The following ZKSCAN3 variants were observed in gnomAD, a reference collection of about 807,000 sequenced individuals.
ZKSCAN3 encodes the protein zinc finger with KRAB and SCAN domains 3.
ZKSCAN3 carries 21 observed loss-of-function variants against 30.7 expected under a neutral mutation model. The observed-to-expected ratio is 0.68, with a 90% CI of 0.49 to 0.99. The LOEUF is 0.99. Among genes scored for constraint, ZKSCAN3 ranks in the 50% least tolerant of loss-of-function variants. The pLI is 0.00. For missense variants in ZKSCAN3, 507 were observed against 647.1 expected, an observed-to-expected ratio of 0.78 and a Z score of 2.35; for synonymous variants, 201 against 246.7, an observed-to-expected ratio of 0.81 and a Z score of 1.73.
intron 2 of ZKSCAN3, among the ~76,000 whole-genome samples, chr6:28,361,016 A>T (rs888840162): frequency 5.3e-4 from 41 of 78,046 alleles, no homozygotes; most frequent in African/African-American, 3.1e-3. Flanking sequence ...CCAGTTTCCA[A>T]TGGATTTTCA....
In ZKSCAN3 at chr6:28,366,569, T is replaced by C. The variant is rs1019917464; in HGVS notation, c.*284T>C. The stretch of plus-strand genomic sequence containing the variant: ...GAATTAAATGGATGTTTAGACTGGC[T>C]ACTTGCCCTAAACCAGCACTTGGTG... On this transcript the variant is annotated 3_prime_UTR_variant, in exon 6 of 6. Coordinates refer to ENST00000252211, the MANE Select transcript of ZKSCAN3 (RefSeq NM_024493.4). 1 of 252,672 alleles carries C rather than the reference T, an allele frequency of 4.0e-6. No homozygotes were observed. The highest frequency in any genetic ancestry group is 7.5e-6 in the Non-Finnish European group (1 of 133,228). 15.7% of individuals were successfully genotyped at this position (252,672 alleles called of 1,614,324 possible).
intron 1 of ZKSCAN3, among the ~76,000 whole-genome samples, chr6:28,358,391 C>A (rs557162729): frequency 5.6e-4 from 86 of 152,250 alleles, no homozygotes; most frequent in African/African-American, 2.0e-3. Context: ...ACTTATAAAC[C>A]AAATACAATG....
chr6:28,366,354 A>C lies in ZKSCAN3; in HGVS notation c.*69A>C. ...CTGAAGCCACTCCCCCTGGAGTCTC[A>C]ACTATAGAAATTGTGGGCTGGGCTT... On this transcript the variant is annotated 3_prime_UTR_variant, in exon 6 of 6. Transcript: ENST00000252211. The C allele has an allele frequency of 1.4e-6, 2 of 1,448,088 alleles. No homozygotes were observed. The highest frequency in any genetic ancestry group is 1.8e-6 in the Non-Finnish European group (2 of 1,098,232). 89.7% of individuals were successfully genotyped at this position (1,448,088 alleles called of 1,614,324 possible).
chr6:28,361,855 GATCCTCTGGATCGCTCACT>G (rs1765782392), intron 3 of ZKSCAN3, among the ~76,000 whole-genome samples: 1 of 151,782 alleles, frequency 6.6e-6, no homozygotes, highest in African/African-American at 2.4e-5. Context: ...GGGCTCAAGC[GATCCTCTGGATCGCTCACT>G]GCAGCCTCCA....
At chr6:28,361,102 C>T (rs1029390067) in intron 2 of ZKSCAN3, among the ~76,000 whole-genome samples, 3 of 152,150 alleles carry the variant, frequency 2.0e-5, no homozygotes, top group African/African-American at 7.2e-5. Context: ...TCTACCTGAG[C>T]TCCCATCCTA....
chr6:28,363,562 C>T (rs1231768016), intron 4 of ZKSCAN3, 130 bp from the exon 5 acceptor site: 15 of 1,439,006 alleles, frequency 1.0e-5, no homozygotes, highest in Non-Finnish European at 1.4e-5. Context: ...TATTTAGGTG[C>T]CCACTTAAGA....
At position 28,365,689 on chromosome 6, in the gene ZKSCAN3, C is replaced by A; in HGVS notation, c.1021C>A (p.Pro341Thr). Residue 341 changes from proline (P) to threonine (T), a missense_variant, in exon 6 of 6, where the codon CCC (proline) becomes ACC (threonine). Pro to Thr is a conservative substitution (Grantham distance 38, BLOSUM62 -1). Transcript: ENST00000252211. ...CAGGAGAATCCACACTGGTGAGAAA[C>A]CCTACGAATGTGAAGAGTGTGGCAA... is the stretch of plus-strand genomic sequence containing the variant. ...KHRRIHTGEK[P>T]YECEECGKAF... is the part of the protein sequence containing the mutation. 1 of 1,614,116 alleles carries A rather than the reference C, an allele frequency of 6.2e-7. No individual in the cohort carries two copies.
Position 28,366,160 on chromosome 6 carries a change from C to A in ZKSCAN3, c.1492C>A (p.His498Asn). The change falls in exon 6 of 6, where the codon CAT becomes AAT. Residue 498 changes from histidine to asparagine, a missense_variant. Transcript: ENST00000252211. ...SFTQNTGLIE[H>N]QKIHTGEKPY... ...CACTCAGAATACAGGCCTCATTGAA[C>A]ATCAAAAAATCCACACTGGTGAGAA... 3.1e-6 allele frequency: 5 copies of A among 1,610,900 alleles called. No homozygotes were observed. Among genetic ancestry groups the A allele is most frequent in the Non-Finnish European group, 4.2e-6 (5 of 1,178,940 alleles).
rs1766013681 is a variant in ZKSCAN3 at position 28,367,525 on chromosome 6, CA to C, written c.*1241del. On this transcript the variant is annotated 3_prime_UTR_variant, in exon 6 of 6. Coordinates refer to ENST00000252211, the MANE Select transcript of ZKSCAN3 (RefSeq NM_024493.4). ...TTTCCTATTCAGACAGTGTGAAAAT[CA>C]GTCATCAAGTCAGAATAAAATGATG... 6.6e-6 allele frequency: 1 copy of C among 152,018 alleles called. No homozygotes were observed. The highest frequency in any genetic ancestry group is 2.1e-4 in the South Asian group (1 of 4,808). 9.4% of individuals were successfully genotyped at this position (152,018 alleles called of 1,614,324 possible).
rs1339529820 is a variant in ZKSCAN3 at position 28,366,340 on chromosome 6, C to T, written c.*55C>T. Reference sequence around the variant, plus strand: ...CATTTGTCACTGATCTGAAGCCACTCCCCCTGGAGTCTCAACTATAGAAAT... The same window carrying T: ...CATTTGTCACTGATCTGAAGCCACTTCCCCTGGAGTCTCAACTATAGAAAT... On this transcript the variant is annotated 3_prime_UTR_variant, in exon 6 of 6. Transcript: ENST00000252211. The T allele has an allele frequency of 2.0e-6, 3 of 1,473,722 alleles. No homozygotes were observed. The highest frequency in any genetic ancestry group is 2.8e-5 in the African/African-American group (2 of 71,154). 91.3% of individuals were successfully genotyped at this position (1,473,722 alleles called of 1,614,324 possible).
At position 28,365,536 on chromosome 6, in the gene ZKSCAN3, A is replaced by T. The variant is rs1765925101; in HGVS notation, c.868A>T (p.Thr290Ser). Residue 290 changes from threonine (T) to serine (S), a missense_variant, in exon 6 of 6, where the codon ACA (threonine) becomes TCA (serine). Physicochemically the swap from Thr to Ser is moderately conservative, Grantham distance 58. Transcript: ENST00000252211. ...HLREDIAQIP[T>S]CAEAGEQEGR... is the part of the protein sequence containing the mutation. The stretch of plus-strand genomic sequence containing the variant: ...GAGAGAAGACATTGCCCAGATTCCT[A>T]CATGTGCAGAAGCTGGTGAACAGGA... 1 of 1,614,156 alleles carries T rather than the reference A, an allele frequency of 6.2e-7. No individual in the cohort carries two copies. Among genetic ancestry groups the T allele is most frequent in the Non-Finnish European group, 8.5e-7 (1 of 1,180,064 alleles).
At position 28,366,208 on chromosome 6, in the gene ZKSCAN3, G is replaced by A; in HGVS notation, c.1540G>A (p.Gly514Arg). The change falls in exon 6 of 6, where the codon GGA becomes AGA. Residue 514 changes from glycine (G) to arginine (R), a missense_variant. Transcript: ENST00000252211. ...GAAACCCTATCAGTGTAATGCGTGT[G>A]GAAAAGGCTTCACCCGAATTTCATA... ...GEKPYQCNAC[G>R]KGFTRISYLV... 1.3e-6 allele frequency: 2 copies of A among 1,582,202 alleles called. No homozygotes were observed. The highest frequency in any genetic ancestry group is 2.2e-5 in the East Asian group (1 of 44,776).
At chr6:28,359,123 AC>A (rs1332521455) in intron 1 of ZKSCAN3, among the ~76,000 whole-genome samples, 7 of 152,004 alleles carry the variant, frequency 4.6e-5, no homozygotes, top group South Asian at 2.1e-4. Flanking sequence ...GTCAGTCTGG[AC>A]TTGCTATCTC....
intron 3 of ZKSCAN3, among the ~76,000 whole-genome samples, chr6:28,361,806 G>C (rs1033583817): frequency 4.0e-5 from 6 of 149,820 alleles, no homozygotes; most frequent in African/African-American, 1.5e-4. Flanking sequence ...GGAGTGCAGT[G>C]GCACTCCACT....
rs1765222442 is a variant in ZKSCAN3, at chr6:28,353,762, GA to G, written c.-63+3699del. 6.6e-6 allele frequency: 3 copies of G among 451,138 alleles called. No individual in the cohort carries two copies. The Admixed American group carries it at 7.1e-5, about 11-fold the overall frequency. 27.9% of individuals were successfully genotyped at this position (451,138 alleles called of 1,614,324 possible). A position where few individuals can be genotyped will look rare whatever the true frequency, so the allele number is the denominator to read the frequency against. On this transcript the variant is annotated intron_variant, in intron 1 of 5. Coordinates refer to ENST00000252211, the MANE Select transcript of ZKSCAN3 (RefSeq NM_024493.4). Reference sequence around the variant, plus strand: ...AGTTCTGGGGAAGACTGTGGATAGAGAAAAGAAAAGGTCAAGAACAGAACCA... The same window carrying G: ...AGTTCTGGGGAAGACTGTGGATAGAGAAAGAAAAGGTCAAGAACAGAACCA...
chr6:28,360,695 C>G, intron 2 of ZKSCAN3: 1 of 985,370 alleles, frequency 1.0e-6, no homozygotes, highest in Non-Finnish European at 1.2e-6. Context: ...AGCTGGATAC[C>G]AGGGTTCTTG....
At chr6:28,364,914 G>C (rs981411644) in intron 5 of ZKSCAN3, among the ~76,000 whole-genome samples, 3 of 152,058 alleles carry the variant, frequency 2.0e-5, no homozygotes, top group Non-Finnish European at 2.9e-5. Context: ...TTTTAATAGA[G>C]ATGGGGTTTC....
At chr6:28,363,220 A>T in intron 3 of ZKSCAN3, 83 bp from the exon 4 acceptor site, 1 of 1,218,128 alleles carries the variant, frequency 8.2e-7, no homozygotes, top group East Asian at 2.4e-5. Context: ...GAATCTATTA[A>T]TCCAGTTATT....
chr6:28,359,419 G>A lies in ZKSCAN3; in HGVS notation c.-62-106G>A, dbSNP rs146725558. The stretch of plus-strand genomic sequence containing the variant: ...ATTAAGCTGCAGAACCACTGAACAT[G>A]GAGAAATTTCTGCAGCAGTTCCCCA... On this transcript the variant is annotated intron_variant, in intron 1 of 5. Coordinates refer to ENST00000252211, the MANE Select transcript of ZKSCAN3 (RefSeq NM_024493.4). 8.0e-5 allele frequency: 65 copies of A among 811,936 alleles called. 1 individual carries two copies. In the African/African-American group the frequency reaches 8.3e-4, roughly 10 times the overall value. The allele number at this position is 811,936 out of a possible 1,614,324, so 50.3% of individuals were successfully genotyped here. A position where few individuals can be genotyped will look rare whatever the true frequency, so the allele number is the denominator to read the frequency against.
Sources: gnomAD v4.1 joint callset for allele counts (sites outside exome capture counted in the v4.1 genomes callset) on GRCh38, gnomAD v4.1.1 for gene constraint, MANE v1.5 for transcripts, NCBI Gene and HGNC (gene_info 2026-07-23, HGNC 2026-07-21) for gene names.